Variants in RPS2 observed in about 807,000 individuals in gnomAD.
RPS2 encodes small ribosomal subunit protein uS5.
Under a neutral mutation model 25.3 loss-of-function variants are expected in RPS2, and 8 were observed. The observed-to-expected ratio is 0.32, with a 90% CI of 0.19 to 0.57. The LOEUF (loss-of-function observed/expected upper bound fraction) is 0.57. RPS2 is among the 20% of genes least tolerant of loss of function. The pLI is 0.90. For missense variants in RPS2, 229 were observed against 408.1 expected (o/e 0.56, Z 3.78); for synonymous variants, 181 against 161.3 (o/e 1.12, Z -0.92).
chr16:1,962,122 C>A lies in RPS2; in HGVS notation c.858G>T (p.Gln286His). 6.4e-7 allele frequency: 1 copy of A among 1,570,352 alleles called. No individual in the cohort carries two copies. The highest frequency in any genetic ancestry group is 8.6e-7 in the Non-Finnish European group (1 of 1,167,720). Residue 286 changes from glutamine (Q) to histidine (H), a missense_variant, in exon 7 of 7, where the codon CAG becomes CAT. By Grantham distance (24) the Gln-to-His change is conservative. Coordinates refer to ENST00000343262, the MANE Select transcript of RPS2 (RefSeq NM_002952.4). Reference protein sequence around the residue: ...THTRVSVQRTQAPAVATT With the variant: ...THTRVSVQRTHAPAVATT ...CCTATGTTGTAGCCACAGCTGGAGC[C>A]TGAGTCCGCTGCACGGAGACTCTGG... is the stretch of plus-strand genomic sequence containing the variant.
chr16:1,962,803 G>A lies in RPS2; in HGVS notation c.482C>T (p.Ser161Phe). The A allele has an allele frequency of 6.2e-7, 1 of 1,611,532 alleles. No homozygotes were observed. The highest frequency in any genetic ancestry group is 8.5e-7 in the Non-Finnish European group (1 of 1,179,684). The change falls in exon 5 of 7, where the codon TCC becomes TTC. Residue 161 changes from serine (S) to phenylalanine (F), a missense_variant. Transcript: ENST00000343262. ...GTAGCCTCTGCGCACGGGGACGATG[G>A]AGAGCTTGGCCAGGATGATGGCCCC... is the stretch of plus-strand genomic sequence containing the variant. ...IRGAIILAKL[S>F]IVPVRRGYWG...
In RPS2 at chr16:1,962,794, G is replaced by A; in HGVS notation, c.491C>T (p.Pro164Leu). 6.2e-7 allele frequency: 1 copy of A among 1,611,846 alleles called. No individual in the cohort carries two copies. Among genetic ancestry groups the A allele is most frequent in the Non-Finnish European group, 8.5e-7 (1 of 1,179,590 alleles). Reference protein sequence around the residue: ...AIILAKLSIVPVRRGYWGNKI... With the variant: ...AIILAKLSIVLVRRGYWGNKI... ...GTTCCCCCAGTAGCCTCTGCGCACGGGGACGATGGAGAGCTTGGCCAGGAT... is the reference window on the plus strand; with the variant it reads ...GTTCCCCCAGTAGCCTCTGCGCACGAGGACGATGGAGAGCTTGGCCAGGAT... Residue 164 changes from proline (P) to leucine (L), a missense_variant, in exon 5 of 7, where the codon CCC (proline) becomes CTC (leucine). Coordinates refer to ENST00000343262, the MANE Select transcript of RPS2 (RefSeq NM_002952.4).
chr16:1,964,007 C>A, intron 3 of RPS2: 1 of 493,566 alleles, frequency 2.0e-6, no homozygotes, highest in Non-Finnish European at 3.7e-6. Context: ...ATGAACCAAG[C>A]GCTGCTTCTC....
chr16:1,962,354 C>G (rs1023519832), intron 6 of RPS2, 84 bp from the exon 7 acceptor site: 30 of 1,404,460 alleles, frequency 2.1e-5, no homozygotes, highest in Admixed American at 3.3e-5. Context: ...CTCCTAGGAA[C>G]AGAGAGGCCA....
intron 3 of RPS2, chr16:1,963,598 T>G (rs1476325282): frequency 2.9e-6 from 1 of 348,722 alleles, no homozygotes; most frequent in Non-Finnish European, 5.7e-6. Context: ...AGGGCGAAAC[T>G]GTGTAACCGC....
chr16:1,963,122 G>C, intron 4 of RPS2, 27 bp downstream of exon 4: 1 of 1,560,304 alleles, frequency 6.4e-7, no homozygotes, highest in Non-Finnish European at 8.8e-7. Context: ...CAAGCCCAGC[G>C]CAGCCCCCTC....
rs746887497 is a variant in RPS2 at position 1,964,311 on chromosome 16, G to A, written c.232C>T (p.Leu78=). The A allele has an allele frequency of 3.7e-6, 6 of 1,613,314 alleles. No individual in the cohort carries two copies. Among genetic ancestry groups the A allele is most frequent in the Non-Finnish European group, 3.4e-6 (4 of 1,179,614 alleles). ...RLVKDMKIKS[L]EEIYLFSLPI... is the part of the protein sequence containing the mutation. The stretch of plus-strand genomic sequence containing the variant: ...AGGGAGAAGAGATAGATCTCCTCCA[G>A]GGACTTGATCTTCATGTCCTTGACC... The change falls in exon 3 of 7, where the codon CTG becomes TTG. Residue 78 remains leucine, a synonymous_variant. Transcript: ENST00000343262.
At chr16:1,963,013 C>G (rs1475699437) in intron 4 of RPS2, 104 bp from the exon 5 acceptor site, 1 of 1,419,054 alleles carries the variant, frequency 7.0e-7, no homozygotes, top group African/African-American at 1.4e-5. Flanking sequence ...CACAGTAAGG[C>G]CCATCCGAGG....
chr16:1,964,047 G>C, intron 3 of RPS2: 2 of 566,112 alleles, frequency 3.5e-6, no homozygotes, highest in South Asian at 2.1e-5. Context: ...AATTCGCTGC[G>C]AATGTGGGAA....
rs569707985 is a variant in RPS2, at chr16:1,964,696, A to C, written c.-3-68T>G. 255 of 878,934 alleles carry C rather than the reference A, an allele frequency of 2.9e-4. 4 individuals are homozygous for C. The South Asian group carries it at 4.3e-3, about 15-fold the overall frequency. The allele number at this position is 878,934 out of a possible 1,614,324, so 54.4% of individuals were successfully genotyped here. Reference sequence around the variant, plus strand: ...CATCTGGCAGCCCCCCGCGAGACCCAGACAAGGGCTCCCGCCCAGGAGCGC... The same window carrying C: ...CATCTGGCAGCCCCCCGCGAGACCCCGACAAGGGCTCCCGCCCAGGAGCGC... On this transcript the variant is annotated intron_variant, in intron 1 of 6. Transcript: ENST00000343262.
At chr16:1,964,676 G>A (rs1054109262) in intron 1 of RPS2, 48 bp from the exon 2 acceptor site, 11 of 1,043,806 alleles carry the variant, frequency 1.1e-5, no homozygotes, top group South Asian at 1.6e-5. Flanking sequence ...CTACGCATCT[G>A]GCAGCCCCCC....
chr16:1,962,158 G>C lies in RPS2; in HGVS notation c.822C>G (p.Val274=), dbSNP rs766681832. The change falls in exon 7 of 7, where the codon GTC becomes GTG. Residue 274 remains valine, a synonymous_variant. Transcript: ENST00000343262. ...GCACGGAGACTCTGGTGTGGGTCTT[G>C]ACGAGGTGGTCAGTGAACTCCTGAT... ...SPYQEFTDHL[V]KTHTRVSVQR... is the part of the protein sequence containing the mutation. The C allele has an allele frequency of 9.4e-6, 15 of 1,595,860 alleles. No homozygotes were observed. Among genetic ancestry groups the C allele is most frequent in the Non-Finnish European group, 1.3e-5 (15 of 1,177,022 alleles).
At chr16:1,963,039 TTC>T (rs577212053) in intron 4 of RPS2, 108 bp downstream of exon 4, 26 of 1,361,108 alleles carry the variant, frequency 1.9e-5, no homozygotes, top group Admixed American at 1.7e-4. Context: ...AGGAGATCTT[TTC>T]TCTCTCTCCC....
chr16:1,964,789 G>A lies in RPS2; in HGVS notation c.-4+18C>T, dbSNP rs116598528. 7.4e-3 allele frequency: 4,099 copies of A among 550,688 alleles called. 154 individuals carry two copies. In the African/African-American group the frequency reaches 0.074, roughly 10 times the overall value. The allele number at this position is 550,688 out of a possible 1,614,324, so 34.1% of individuals were successfully genotyped here. On this transcript the variant is annotated intron_variant, in intron 1 of 6. Transcript: ENST00000343262. ...GCCGCCCACGCAGAGGCCCGCTGCA[G>A]CGACCAACAGGACTCACGTGTTTTG...
At position 1,962,535 on chromosome 16, in the gene RPS2, G is replaced by A. The variant is rs929142323; in HGVS notation, c.671C>T (p.Thr224Ile). ...GGTGGCAGTGCAGCCCCGGGCTGAG[G>A]TGTAGCAGTCATCGATACCAGCCAT... ...LMMAGIDDCY[T>I]SARGCTATLG... Residue 224 changes from threonine (T) to isoleucine (I), a missense_variant, in exon 6 of 7, where the codon ACC becomes ATC. Thr to Ile is a moderately conservative substitution (Grantham distance 89, BLOSUM62 -1). Around this residue, in one of 7 missense-constraint regions of RPS2, gnomAD observed 79 missense variants for 159.0 expected, o/e 0.50. Transcript: ENST00000343262. 2 of 1,611,988 alleles carry A rather than the reference G, an allele frequency of 1.2e-6. No individual in the cohort carries two copies. The highest frequency in any genetic ancestry group is 2.2e-5 in the East Asian group (1 of 44,882).
chr16:1,962,486 G>C lies in RPS2; in HGVS notation c.709+11C>G. The C allele has an allele frequency of 6.2e-7, 1 of 1,611,198 alleles. No individual in the cohort carries two copies. Among genetic ancestry groups the C allele is most frequent in the Non-Finnish European group, 8.5e-7 (1 of 1,178,002 alleles). On this transcript the variant is annotated intron_variant, in intron 6 of 6. Coordinates refer to ENST00000343262, the MANE Select transcript of RPS2 (RefSeq NM_002952.4). ...GAGACCATGGCTATGCCCCATGTGTGGACCACCTACCGAAGTTGCCCAGGG... is the reference window on the plus strand; with the variant it reads ...GAGACCATGGCTATGCCCCATGTGTCGACCACCTACCGAAGTTGCCCAGGG...
Position 1,964,275 on chromosome 16 carries a change from C to G in RPS2, c.267+1G>C. 6.2e-7 allele frequency: 1 copy of G among 1,610,824 alleles called. No homozygotes were observed. The highest frequency in any genetic ancestry group is 8.5e-7 in the Non-Finnish European group (1 of 1,177,546). ...TCAACGCCCCAACGACCGACGCGTACCTTAATAGGCAGGGAGAAGAGATAG... is the reference window on the plus strand; with the variant it reads ...TCAACGCCCCAACGACCGACGCGTAGCTTAATAGGCAGGGAGAAGAGATAG... On this transcript the variant is annotated splice_donor_variant, in intron 3 of 6. Coordinates refer to ENST00000343262, the MANE Select transcript of RPS2 (RefSeq NM_002952.4). LOFTEE classifies it high-confidence loss of function.
chr16:1,963,924 C>T (rs1434205368), intron 3 of RPS2: 13 of 398,070 alleles, frequency 3.3e-5, no homozygotes, highest in African/African-American at 2.3e-4. Context: ...GTCCCGTACA[C>T]GCGGACTATG....
chr16:1,964,137 A>C, intron 3 of RPS2, 139 bp downstream of exon 3: 1 of 682,364 alleles, frequency 1.5e-6, no homozygotes, highest in Non-Finnish European at 2.6e-6. Flanking sequence ...CTCCTCAGCC[A>C]GCCCGCAACA....
Sources: gnomAD v4.1 joint callset for allele counts on GRCh38, gnomAD v4.1.1 for gene constraint, gnomAD v4.1.1 regional missense constraint, MANE v1.5 for transcripts, NCBI Gene and HGNC (gene_info 2026-07-23, HGNC 2026-07-21) for gene names.